Variants in PIK3C2G observed in about 807,000 individuals in gnomAD.
PIK3C2G encodes phosphatidylinositol-4-phosphate 3-kinase catalytic subunit type 2 gamma, also known as phosphatidylinositol 3-kinase C2 domain-containing subunit gamma.
In PIK3C2G, 168 loss-of-function variants were observed where a neutral mutation model predicts 181.1. The ratio of observed to expected loss-of-function variants is 0.93; its 90% CI spans 0.82 to 1.05. The LOEUF is 1.05. Among genes scored for constraint, PIK3C2G ranks in the 50% least tolerant of loss-of-function variants. The pLI, the probability that PIK3C2G is intolerant of heterozygous loss-of-function variation, is 0.00. For synonymous variants in PIK3C2G, 573 were observed against 592.2 expected, an observed-to-expected ratio of 0.97 and a Z score of 0.47; for missense variants, 1,869 against 1,732.8, an observed-to-expected ratio of 1.08 and a Z score of -1.40.
intron 14 of PIK3C2G, 139 bp from the exon 15 acceptor site, chr12:18,390,983 A>G: frequency 1.9e-6 from 1 of 532,122 alleles, no homozygotes; most frequent in Non-Finnish European, 2.8e-6. Flanking sequence ...TTTAGAAATT[A>G]TTTTAAAATT....
intron 18 of PIK3C2G, among the ~76,000 whole-genome samples, chr12:18,457,284 A>G (rs552323606): frequency 6.6e-6 from 1 of 152,330 alleles, no homozygotes; most frequent in South Asian, 2.1e-4. Flanking sequence ...GCAAAGTCAT[A>G]TATTACCCCT....
the PIK3C2G span, among the ~76,000 whole-genome samples, chr12:18,670,478 T>C: frequency 6.6e-6 from 1 of 152,270 alleles, no homozygotes; most frequent in Admixed American, 6.5e-5. Flanking sequence ...CAGCTTCAAC[T>C]ACCCAAGATG....
upstream of PIK3C2G, among the ~76,000 whole-genome samples, chr12:18,246,184 A>T (rs1271468938): frequency 6.6e-6 from 1 of 152,152 alleles, no homozygotes; most frequent in African/African-American, 2.4e-5. Context: ...GGCCAGAGAA[A>T]ATCCTTAAAA....
At chr12:18,588,769 C>T (rs1260688651) in intron 29 of PIK3C2G, among the ~76,000 whole-genome samples, 3 of 151,908 alleles carry the variant, frequency 2.0e-5, no homozygotes, top group Non-Finnish European at 4.4e-5. Context: ...TATAAATCAT[C>T]CTATCATAAA....
Position 18,562,857 on chromosome 12 carries a change from G to C in PIK3C2G, c.3745G>C (p.Ala1249Pro). Residue 1249 changes from alanine (A) to proline (P), a missense_variant, in exon 27 of 33, where the codon GCA becomes CCA. By Grantham distance (27) the Ala-to-Pro change is conservative. Coordinates refer to ENST00000538779, the MANE Select transcript of PIK3C2G (RefSeq NM_001288772.2). Reference sequence around the variant, plus strand: ...GAGTACAACTAGGTCGATTGAAAGAGCAACAATTTTAGGGTTCAGCAAGAA... The same window carrying C: ...GAGTACAACTAGGTCGATTGAAAGACCAACAATTTTAGGGTTCAGCAAGAA... The part of the protein sequence containing the change: ...LLSTTRSIER[A>P]TILGFSKKSS... The C allele has an allele frequency of 6.2e-7, 1 of 1,605,062 alleles. No individual in the cohort carries two copies. The highest frequency in any genetic ancestry group is 8.5e-7 in the Non-Finnish European group (1 of 1,175,072).
chr12:18,538,958 A>G (rs2136242611), intron 25 of PIK3C2G, among the ~76,000 whole-genome samples: 1 of 152,128 alleles, frequency 6.6e-6, no homozygotes, highest in South Asian at 2.1e-4. Flanking sequence ...TGATAGAAAT[A>G]TCTTCTAGGA....
chr12:18,664,318 T>C, the PIK3C2G span, among the ~76,000 whole-genome samples: 60,197 of 152,052 alleles, frequency 0.4, 14,080 homozygotes, highest in South Asian at 0.59. Context: ...AATATATTTG[T>C]ACATCCATGT....
At chr12:18,336,613 C>T (rs1938563622) in intron 8 of PIK3C2G, among the ~76,000 whole-genome samples, 1 of 152,072 alleles carries the variant, frequency 6.6e-6, no homozygotes, top group Non-Finnish European at 1.5e-5. Context: ...ACATTGAGTT[C>T]ACACATAAGT....
chr12:18,320,567 C>T (rs1226426606), intron 6 of PIK3C2G, among the ~76,000 whole-genome samples: 1 of 152,174 alleles, frequency 6.6e-6, no homozygotes, highest in Non-Finnish European at 1.5e-5. Flanking sequence ...ATGTGTCTGC[C>T]CGCCCATCTG....
intron 31 of PIK3C2G, among the ~76,000 whole-genome samples, chr12:18,612,803 G>A (rs1342598455): frequency 6.6e-6 from 1 of 152,064 alleles, no homozygotes; most frequent in Non-Finnish European, 1.5e-5. Context: ...GTTCTGTTAT[G>A]TTTAATGTTA....
intron 18 of PIK3C2G, among the ~76,000 whole-genome samples, chr12:18,435,427 C>A (rs1946394564): frequency 6.6e-6 from 1 of 152,090 alleles, no homozygotes; most frequent in African/African-American, 2.4e-5. Flanking sequence ...ATAATCTACA[C>A]ATGTAACAAC....
At chr12:18,573,513 G>C (rs1050783203) in intron 29 of PIK3C2G, among the ~76,000 whole-genome samples, 10 of 152,196 alleles carry the variant, frequency 6.6e-5, no homozygotes, top group African/African-American at 2.4e-4. Context: ...CAGAGAAGCA[G>C]TGCCAAATCC....
intron 18 of PIK3C2G, among the ~76,000 whole-genome samples, chr12:18,430,658 C>A (rs1946103788): frequency 6.6e-6 from 1 of 152,072 alleles, no homozygotes; most frequent in South Asian, 2.1e-4. Context: ...TAAGAGCTGG[C>A]CTGGCTAAAG....
At chr12:18,243,540 A>T (rs1948007061), upstream of PIK3C2G, among the ~76,000 whole-genome samples, 1 of 152,024 alleles carries the variant, frequency 6.6e-6, no homozygotes, top group African/African-American at 2.4e-5. Flanking sequence ...AATTAAAAAC[A>T]TTTTAATCAC....
At chr12:18,717,977 A>C in the PIK3C2G span, among the ~76,000 whole-genome samples, 1 of 152,270 alleles carries the variant, frequency 6.6e-6, no homozygotes, top group East Asian at 1.9e-4. Flanking sequence ...AGTGAGCTAC[A>C]GATCCCACTC....
chr12:18,439,442 A>C (rs1232237359), intron 18 of PIK3C2G, among the ~76,000 whole-genome samples: 1 of 152,052 alleles, frequency 6.6e-6, no homozygotes, highest in African/African-American at 2.4e-5. Context: ...GCGTTATTTA[A>C]TGTATTAACC....
intron 20 of PIK3C2G, chr12:18,493,177 A>G (rs547349220): frequency 6.6e-6 from 1 of 152,346 alleles, no homozygotes; most frequent in African/African-American, 2.4e-5. Context: ...GAATCCTTAT[A>G]AGCATGATGA....
Position 18,338,611 on chromosome 12 carries a change from G to C in PIK3C2G, c.1395+63G>C, listed in dbSNP as rs781421703. ...TGAGTTCAATACTTAATTAAGGAGA[G>C]TGAAAGACTTTTTACTAACAACTAT... On this transcript the variant is annotated intron_variant, in intron 9 of 32. Coordinates refer to ENST00000538779, the MANE Select transcript of PIK3C2G (RefSeq NM_001288772.2). The C allele has an allele frequency of 4.8e-5, 55 of 1,157,206 alleles. 1 individual carries two copies. The highest frequency in any genetic ancestry group is 7.0e-5 in the Non-Finnish European group (55 of 790,090). 71.7% of individuals were successfully genotyped at this position (1,157,206 alleles called of 1,614,324 possible). A position where few individuals can be genotyped will look rare whatever the true frequency, so the allele number is the denominator to read the frequency against.
At chr12:18,415,864 CCTAA>C (rs1945145351) in intron 16 of PIK3C2G, among the ~76,000 whole-genome samples, 1 of 152,064 alleles carries the variant, frequency 6.6e-6, no homozygotes, top group African/African-American at 2.4e-5. Flanking sequence ...AGAGCAAGGC[CCTAA>C]CTCTCTTCAA....
Sources: gnomAD v4.1 joint callset for allele counts (sites outside exome capture counted in the v4.1 genomes callset) on GRCh38, gnomAD v4.1.1 for gene constraint, MANE v1.5 for transcripts, NCBI Gene and HGNC (gene_info 2026-07-23, HGNC 2026-07-21) for gene names.